The following FAF1 variants were observed in gnomAD, a reference collection of about 807,000 sequenced individuals.
The protein encoded by FAF1 is FAS-associated factor 1.
Under a neutral mutation model 92.5 loss-of-function variants are expected in FAF1, and 25 were observed. The observed-to-expected ratio is 0.27, with a 90% CI of 0.20 to 0.38. The LOEUF (loss-of-function observed/expected upper bound fraction) is 0.38, where lower values mean the gene tolerates loss of function less well. FAF1 is among the 10% of genes least tolerant of loss of function. The probability of loss-of-function intolerance (pLI) is 1.00; values close to 1 mark genes in which losing one functional copy is unlikely to be tolerated. For missense variants in FAF1, 636 were observed against 793.3 expected (o/e 0.80, Z 2.38); for synonymous variants, 234 against 273.2 (o/e 0.86, Z 1.42).
At chr1:50,638,801 C>T (rs370074577) in intron 8 of FAF1, among the ~76,000 whole-genome samples, 1 of 152,028 alleles carries the variant, frequency 6.6e-6, no homozygotes, top group Non-Finnish European at 1.5e-5. Flanking sequence ...TTCTCTATTC[C>T]CAGTTTGCTA....
intron 1 of FAF1, among the ~76,000 whole-genome samples, chr1:50,888,791 T>G (rs566043493): frequency 6.6e-6 from 1 of 152,356 alleles, no homozygotes; most frequent in African/African-American, 2.4e-5. Flanking sequence ...GATTTTTGCA[T>G]TGATGTTCAT....
intron 5 of FAF1, among the ~76,000 whole-genome samples, chr1:50,743,192 T>G (rs914979999): frequency 6.6e-5 from 10 of 152,292 alleles, no homozygotes; most frequent in Middle Eastern, 3.4e-3. Context: ...CCTGTAAATA[T>G]CTCACTGAAA....
chr1:50,490,738 G>T, intron 16 of FAF1, 73 bp from the exon 17 acceptor site: 1 of 960,722 alleles, frequency 1.0e-6, no homozygotes, highest in Non-Finnish European at 1.7e-6. Context: ...AATAAGGAAA[G>T]AGAAAAAAGA....
intron 6 of FAF1, among the ~76,000 whole-genome samples, chr1:50,707,202 C>CAAAAAA (rs397862445): frequency 9.4e-6 from 1 of 106,858 alleles, no homozygotes. Flanking sequence ...GACTCTGTGT[C>CAAAAAA]AAAAAAAAAA....
intron 4 of FAF1, among the ~76,000 whole-genome samples, chr1:50,745,510 A>G (rs150639361): frequency 6.6e-6 from 1 of 152,250 alleles, no homozygotes; most frequent in East Asian, 1.9e-4. Context: ...TGACTGGATC[A>G]TAGGGGGCTG....
intron 15 of FAF1, among the ~76,000 whole-genome samples, chr1:50,517,883 T>C (rs1470395556): frequency 2.6e-5 from 4 of 152,202 alleles, no homozygotes; most frequent in Non-Finnish European, 2.9e-5. Context: ...AAAAAGTTAT[T>C]AAAACAAATG....
intron 12 of FAF1, among the ~76,000 whole-genome samples, chr1:50,574,176 T>C (rs1216053837): frequency 1.3e-5 from 2 of 152,194 alleles, no homozygotes; most frequent in East Asian, 3.9e-4. Context: ...AGCTGACAGA[T>C]GTTCATTGGG....
intron 2 of FAF1, among the ~76,000 whole-genome samples, chr1:50,840,974 T>C (rs1284070735): frequency 6.6e-6 from 1 of 152,026 alleles, no homozygotes; most frequent in Non-Finnish European, 1.5e-5. Context: ...CACATACTAC[T>C]GAGTCTGGAA....
At chr1:50,660,996 A>C (rs1468429749) in intron 7 of FAF1, among the ~76,000 whole-genome samples, 1 of 152,170 alleles carries the variant, frequency 6.6e-6, no homozygotes, top group Non-Finnish European at 1.5e-5. Flanking sequence ...TATACAAGAC[A>C]AGGAAGTAAT....
intron 8 of FAF1, among the ~76,000 whole-genome samples, chr1:50,610,602 G>A (rs1224331782): frequency 6.6e-6 from 1 of 152,038 alleles, no homozygotes; most frequent in Non-Finnish European, 1.5e-5. Context: ...ATGTGCTCAG[G>A]TTATAAAAGC....
At position 50,862,810 on chromosome 1, in the gene FAF1, T is replaced by C. The variant is rs180825109; in HGVS notation, c.46-4813A>G. Among the ~76,000 whole-genome samples, 734 of 151,940 alleles carry C rather than the reference T, an allele frequency of 4.8e-3. 5 individuals are homozygous for C. The highest frequency in any genetic ancestry group is 0.015 in the African/African-American group (605 of 41,476). Reference sequence around the variant, plus strand: ...AAAGACAAAAAGGGACATTATATAATGATAAAGGGACTAGTACAACAGGAA... The same window carrying C: ...AAAGACAAAAAGGGACATTATATAACGATAAAGGGACTAGTACAACAGGAA... On this transcript the variant is annotated intron_variant, in intron 1 of 18. Transcript: ENST00000396153.
rs1157302072 is a variant in FAF1, at chr1:50,481,631, G to A, written c.1654-5952C>T. 3.9e-5 allele frequency among the ~76,000 whole-genome samples: 6 copies of A among 152,220 alleles called. No homozygotes were observed. The East Asian group carries it at 1.2e-3, about 29-fold the overall frequency. ...CCAATGACACATTTTCCCATCCTTA[G>A]GTGATACAAGACTATATCATTTTTC... On this transcript the variant is annotated intron_variant, in intron 17 of 18. Transcript: ENST00000396153.
At chr1:50,849,653 T>G (rs1644331752) in intron 2 of FAF1, among the ~76,000 whole-genome samples, 1 of 152,176 alleles carries the variant, frequency 6.6e-6, no homozygotes, top group African/African-American at 2.4e-5. Flanking sequence ...TATAGGCTAC[T>G]AACCTCTAGA....
chr1:50,794,789 A>T (rs1363250789), intron 3 of FAF1, among the ~76,000 whole-genome samples: 54 of 123,434 alleles, frequency 4.4e-4, no homozygotes, highest in East Asian at 2.6e-3. Context: ...TCACCCAGCT[A>T]TTTTTTTTTT....
At chr1:50,731,980 T>C (rs1658943059) in intron 6 of FAF1, among the ~76,000 whole-genome samples, 1 of 152,140 alleles carries the variant, frequency 6.6e-6, no homozygotes, top group African/African-American at 2.4e-5. Context: ...TACTACATGG[T>C]CAGTTTTCTA....
chr1:50,599,397 C>T (rs761452315), intron 8 of FAF1, among the ~76,000 whole-genome samples: 1 of 152,102 alleles, frequency 6.6e-6, no homozygotes, highest in Non-Finnish European at 1.5e-5. Context: ...CAGGCCTAAG[C>T]CACCACACCT....
chr1:50,723,921 G>T (rs1013014163), intron 6 of FAF1, among the ~76,000 whole-genome samples: 1 of 151,888 alleles, frequency 6.6e-6, no homozygotes, highest in Non-Finnish European at 1.5e-5. Context: ...GCTAATTTTT[G>T]TATTTTTAGT....
At chr1:50,629,202 T>C (rs1369251375) in intron 8 of FAF1, among the ~76,000 whole-genome samples, 14 of 151,088 alleles carry the variant, frequency 9.3e-5, no homozygotes, top group Admixed American at 7.3e-4. Flanking sequence ...TTTCACTCTT[T>C]CTTGTTTCCC....
At chr1:50,959,621 CCACACACA>C (rs144699454) in intron 1 of FAF1, 138 bp downstream of exon 1, 1 of 461,528 alleles carries the variant, frequency 2.2e-6, no homozygotes, top group African/African-American at 2.1e-5. Flanking sequence ...CCATAGCTCG[CCACACACA>C]CACACACACG....
Sources: gnomAD v4.1 joint callset for allele counts (sites outside exome capture counted in the v4.1 genomes callset) on GRCh38, gnomAD v4.1.1 for gene constraint, MANE v1.5 for transcripts, NCBI Gene and HGNC (gene_info 2026-07-23, HGNC 2026-07-21) for gene names.